The following MFN2 variants were observed in gnomAD, a reference collection of about 807,000 sequenced individuals.
The protein encoded by MFN2 is mitofusin-2.
In MFN2, 43 loss-of-function variants were observed where a neutral mutation model predicts 87.5. The ratio of observed to expected loss-of-function variants is 0.49; its 90% CI spans 0.38 to 0.63. The LOEUF (loss-of-function observed/expected upper bound fraction) is 0.63, where lower values mean the gene tolerates loss of function less well. Among genes scored for constraint, MFN2 ranks in the 30% least tolerant of loss-of-function variants. MFN2 has a pLI of 0.00. For missense variants in MFN2, 743 were observed against 972.8 expected (o/e 0.76, Z 3.14); for synonymous variants, 337 against 359.9 (o/e 0.94, Z 0.72).
At chr1:11,993,212 C>T (rs962483575) in intron 4 of MFN2, among the ~76,000 whole-genome samples, 3 of 152,010 alleles carry the variant, frequency 2.0e-5, no homozygotes, top group African/African-American at 7.2e-5. Flanking sequence ...CTAGATGTCT[C>T]ACGTAAGTGG....
In MFN2 at chr1:11,996,165, T is replaced by C. The variant is rs1638897505; in HGVS notation, c.321T>C (p.Asn107=). The C allele has an allele frequency of 6.2e-7, 1 of 1,614,154 alleles. No individual in the cohort carries two copies. The highest frequency in any genetic ancestry group is 1.1e-5 in the South Asian group (1 of 91,082). The change falls in exon 5 of 19, where the codon AAT becomes AAC. Residue 107 remains asparagine (N), a synonymous_variant. Coordinates refer to ENST00000235329, the MANE Select transcript of MFN2 (RefSeq NM_014874.4). ...MKVAFFGRTS[N]GKSTVINAML... ...TGTTACTTCCTTCTAGGACGAGCAA[T>C]GGGAAGAGCACCGTGATCAATGCCA...
At chr1:11,982,955 A>C (rs1450772990) in intron 2 of MFN2, among the ~76,000 whole-genome samples, 1 of 152,240 alleles carries the variant, frequency 6.6e-6, no homozygotes, top group Non-Finnish European at 1.5e-5. Context: ...AACACAGTTA[A>C]ACTAGTGTCT....
Position 11,980,493 on chromosome 1 carries a change from G to A in MFN2, c.-150+9G>A. The A allele has an allele frequency of 2.5e-6, 1 of 398,358 alleles. No homozygotes were observed. Among genetic ancestry groups the A allele is most frequent in the East Asian group, 3.6e-5 (1 of 28,062 alleles). 24.7% of individuals were successfully genotyped at this position (398,358 alleles called of 1,614,324 possible). ...AGGCCGGGAAGGTGAAGGTGAGAGG[G>A]CGAGCAAGCCGGGGTGGCGGGGACT... On this transcript the variant is annotated intron_variant, in intron 1 of 18. Transcript: ENST00000235329.
chr1:11,997,989 T>G (rs949578279), intron 6 of MFN2, among the ~76,000 whole-genome samples: 1 of 149,570 alleles, frequency 6.7e-6, no homozygotes. Context: ...GTTCAAGTGA[T>G]TCTCCTGCCT....
chr1:11,980,874 G>T (rs150836931), intron 1 of MFN2, among the ~76,000 whole-genome samples: 1 of 152,178 alleles, frequency 6.6e-6, no homozygotes, highest in Non-Finnish European at 1.5e-5. Flanking sequence ...CTGCCTTCTC[G>T]TTCAGCCCTG....
chr1:11,983,408 A>G (rs1453003954), intron 2 of MFN2, among the ~76,000 whole-genome samples: 1 of 152,000 alleles, frequency 6.6e-6, no homozygotes, highest in Non-Finnish European at 1.5e-5. Context: ...CTACTATTGA[A>G]CCTTCTTTAC....
At chr1:11,995,808 T>G (rs1569828403) in intron 4 of MFN2, among the ~76,000 whole-genome samples, 1 of 152,104 alleles carries the variant, frequency 6.6e-6, no homozygotes, top group South Asian at 2.1e-4. Flanking sequence ...GAAGACACTC[T>G]GGGGGTTAGT....
chr1:12,001,899 C>T (rs913194356), intron 10 of MFN2, 63 bp downstream of exon 10: 3 of 1,613,764 alleles, frequency 1.9e-6, no homozygotes, highest in South Asian at 1.1e-5. Context: ...TGGCTGTGTC[C>T]CTGGCAGTGA....
rs1235148491 is a variant in MFN2 at position 12,003,125 on chromosome 1, G to A, written c.1161-867G>A. ...GGAAACCCTACTGCAGTGGACATTT[G>A]TTCATGTGTCCCCTTGTGCACCTTT... is the stretch of plus-strand genomic sequence containing the variant. On this transcript the variant is annotated intron_variant, in intron 11 of 18. Transcript: ENST00000235329. The surrounding 1 kb of genome is among the most constrained non-coding windows in gnomAD (Gnocchi z 4.1). 6.6e-6 allele frequency among the ~76,000 whole-genome samples: 1 copy of A among 152,014 alleles called. No homozygotes were observed. Among genetic ancestry groups the A allele is most frequent in the Non-Finnish European group, 1.5e-5 (1 of 68,002 alleles).
chr1:12,002,928 T>G (rs1639240514), intron 11 of MFN2, among the ~76,000 whole-genome samples: 1 of 152,238 alleles, frequency 6.6e-6, no homozygotes, highest in Non-Finnish European at 1.5e-5. Flanking sequence ...TGTACAGATG[T>G]GGCATCACAC....
At chr1:12,001,240 C>T (rs1023757308) in intron 8 of MFN2, among the ~76,000 whole-genome samples, 161 bp from the exon 9 acceptor site, 7 of 152,250 alleles carry the variant, frequency 4.6e-5, no homozygotes, top group East Asian at 1.9e-4. Flanking sequence ...CTTGAACTCC[C>T]GACCTCAAGT....
In MFN2 at chr1:12,007,121, T is replaced by A; in HGVS notation, c.1941T>A (p.Tyr647Ter). The change falls in exon 17 of 19, where the codon TAT (tyrosine) becomes TAA (stop). Residue 647 changes from tyrosine to a stop codon, truncating the protein, a stop_gained. Transcript: ENST00000235329. LOFTEE classifies it high-confidence loss of function. The stretch of plus-strand genomic sequence containing the variant: ...GGCTCTATGGCCTCCTCTACGTCTA[T>A]GAGCGTCTGACCTGGACCACCAAGG... ...SFGLYGLLYV[Y>*]ERLTWTTKAK... The A allele has an allele frequency of 6.2e-7, 1 of 1,614,200 alleles. No individual in the cohort carries two copies. Among genetic ancestry groups the A allele is most frequent in the Non-Finnish European group, 8.5e-7 (1 of 1,180,040 alleles).
In MFN2 at chr1:12,007,221, G is replaced by A. The variant is rs2100858769; in HGVS notation, c.2041G>A (p.Gly681Ser). ...GCTGCAGCTTGTCATCAGCTACACT[G>A]GCTCCAACTGCAGCCACCAAGTCCA... ...EKLQLVISYT[G>S]SNCSHQVQQE... Residue 681 changes from glycine (G) to serine (S), a missense_variant, in exon 17 of 19, where the codon GGC becomes AGC. By Grantham distance (56) the Gly-to-Ser change is moderately conservative. Transcript: ENST00000235329. 6 of 1,614,074 alleles carry A rather than the reference G, an allele frequency of 3.7e-6. No individual in the cohort carries two copies. The highest frequency in any genetic ancestry group is 5.1e-6 in the Non-Finnish European group (6 of 1,180,030).
At chr1:11,984,172 C>T (rs969384683) in intron 2 of MFN2, among the ~76,000 whole-genome samples, 2 of 152,182 alleles carry the variant, frequency 1.3e-5, no homozygotes, top group African/African-American at 4.8e-5. Context: ...CAAACATTGA[C>T]CAGAACTTAA....
At chr1:11,998,745 T>G in intron 6 of MFN2, 25 bp from the exon 7 acceptor site, 1 of 1,605,232 alleles carries the variant, frequency 6.2e-7, no homozygotes, top group Non-Finnish European at 8.5e-7. Flanking sequence ...TGCCTGATGA[T>G]TTGGTTTACC....
Position 11,996,329 on chromosome 1 carries a change from C to T in MFN2, c.474+11C>T, listed in dbSNP as rs1638906007. 1 of 1,613,898 alleles carries T rather than the reference C, an allele frequency of 6.2e-7. No homozygotes were observed. Among genetic ancestry groups the T allele is most frequent in the Non-Finnish European group, 8.5e-7 (1 of 1,179,972 alleles). On this transcript the variant is annotated intron_variant, in intron 5 of 18. Transcript: ENST00000235329. The stretch of plus-strand genomic sequence containing the variant: ...AAGAGGAGTGCCAAGGTGAGGGTGC[C>T]AGGCTGGCTGTCAGCCCTGTGCCTG...
intron 15 of MFN2, among the ~76,000 whole-genome samples, 167 bp downstream of exon 15, chr1:12,006,098 G>T (rs1048028778): frequency 6.6e-6 from 1 of 152,206 alleles, no homozygotes; most frequent in Admixed American, 6.5e-5. Flanking sequence ...GATTGACCTG[G>T]ATTTGTTCTA....
At chr1:12,000,948 G>A (rs1639143841) in intron 8 of MFN2, among the ~76,000 whole-genome samples, 1 of 152,224 alleles carries the variant, frequency 6.6e-6, no homozygotes, top group Non-Finnish European at 1.5e-5. Context: ...TTGGTGGTGA[G>A]AGAGCAGAAT....
At chr1:12,011,399 G>GGT in intron 18 of MFN2, 97 bp from the exon 19 acceptor site, 1 of 1,189,742 alleles carries the variant, frequency 8.4e-7, no homozygotes, top group Non-Finnish European at 1.3e-6. Context: ...ATGATGTAAG[G>GGT]GTGTGTGTCA....
Sources: allele counts gnomAD v4.1 joint callset (sites outside exome capture counted in the v4.1 genomes callset), GRCh38; gene constraint gnomAD v4.1.1; non-coding constraint Gnocchi (gnomAD v3.1); transcripts MANE v1.5; gene names NCBI Gene and HGNC (gene_info 2026-07-23, HGNC 2026-07-21).